The following ERCC6 variants were observed in gnomAD, a reference collection of about 807,000 sequenced individuals.
ERCC6 encodes DNA excision repair protein ERCC-6.
In ERCC6, 116 loss-of-function variants were observed where a neutral mutation model predicts 158.7. The ratio of observed to expected loss-of-function variants is 0.73; its 90% CI spans 0.63 to 0.85. The LOEUF (loss-of-function observed/expected upper bound fraction) is 0.85. Among genes scored for constraint, ERCC6 ranks in the 40% least tolerant of loss-of-function variants. ERCC6 has a pLI of 0.00. For missense variants in ERCC6, 1,698 were observed against 1,799.4 expected (o/e 0.94, Z 1.02); for synonymous variants, 678 against 659.3 (o/e 1.03, Z -0.43).
intron 10 of ERCC6, among the ~76,000 whole-genome samples, chr10:49,481,962 G>A (rs1421246123): frequency 6.6e-6 from 1 of 152,170 alleles, no homozygotes; most frequent in Non-Finnish European, 1.5e-5. Flanking sequence ...GAACCCCTGA[G>A]AACCAGCATC....
intron 7 of ERCC6, among the ~76,000 whole-genome samples, chr10:49,496,716 G>A (rs971926011): frequency 2.0e-5 from 3 of 152,166 alleles, no homozygotes; most frequent in African/African-American, 4.8e-5. Flanking sequence ...GCTGAGGCAG[G>A]AGAATCACTT....
Position 49,478,410 on chromosome 10 carries a change from G to A in ERCC6, c.2230C>T (p.Arg744Trp), listed in dbSNP as rs368188837. ...LRDTINPYLL[R>W]RMKSDVKMSL... ...ATCTTGACATCTGACTTCATTCTCC[G>A]CAGTAGGTATGGATTTATGGTATCT... Residue 744 changes from arginine (R) to tryptophan (W), a missense_variant, in exon 11 of 21, where the codon CGG becomes TGG. Physicochemically the swap from Arg to Trp is moderately radical, Grantham distance 101. Coordinates refer to ENST00000355832, the MANE Select transcript of ERCC6 (RefSeq NM_000124.4). 1.9e-5 allele frequency: 31 copies of A among 1,613,814 alleles called. 1 individual carries two copies. The highest frequency in any genetic ancestry group is 1.1e-4 in the East Asian group (5 of 44,894).
intron 18 of ERCC6, among the ~76,000 whole-genome samples, chr10:49,461,885 T>G (rs1850589939): frequency 6.6e-6 from 1 of 152,120 alleles, no homozygotes; most frequent in African/African-American, 2.4e-5. Flanking sequence ...GGAGAAGACA[T>G]GAAAACACTC....
At chr10:49,447,458 C>T in the ERCC6 span, among the ~76,000 whole-genome samples, 87 of 152,122 alleles carry the variant, frequency 5.7e-4, no homozygotes, top group African/African-American at 1.9e-3. Flanking sequence ...GAGGCCGAGG[C>T]GGGCAGATCA....
At chr10:49,481,278 T>C (rs1850974439) in intron 10 of ERCC6, among the ~76,000 whole-genome samples, 1 of 152,196 alleles carries the variant, frequency 6.6e-6, no homozygotes, top group Admixed American at 6.5e-5. Flanking sequence ...TCTTGTTTGT[T>C]TGTTCTTTTA....
At chr10:49,523,738 C>G (rs997267824) in intron 5 of ERCC6, among the ~76,000 whole-genome samples, 3 of 152,104 alleles carry the variant, frequency 2.0e-5, no homozygotes, top group African/African-American at 7.2e-5. Flanking sequence ...AAAGGCGACA[C>G]AGCTCACACT....
chr10:49,523,947 T>A, intron 5 of ERCC6, 86 bp downstream of exon 5: 1 of 1,575,642 alleles, frequency 6.3e-7, no homozygotes, highest in Non-Finnish European at 8.6e-7. Context: ...TATATTAAGC[T>A]GGATCTAGAA....
At chr10:49,441,696 C>T in the ERCC6 span, among the ~76,000 whole-genome samples, 4 of 152,134 alleles carry the variant, frequency 2.6e-5, no homozygotes, top group African/African-American at 9.7e-5. Context: ...GCAGAGAGTT[C>T]GCAGCCAGGG....
chr10:49,470,073 A>AT, intron 18 of ERCC6, 109 bp downstream of exon 18: 1 of 973,792 alleles, frequency 1.0e-6, no homozygotes, highest in Non-Finnish European at 1.6e-6. Context: ...AAAAACACTA[A>AT]TGGCTGACAG....
intron 14 of ERCC6, 98 bp from the exon 15 acceptor site, chr10:49,473,126 TG>T: frequency 6.5e-7 from 1 of 1,538,380 alleles, no homozygotes; most frequent in Non-Finnish European, 9.0e-7. Flanking sequence ...ATTACTGGGC[TG>T]TTCCCAATAT....
chr10:49,473,938 A>C, intron 13 of ERCC6, 89 bp downstream of exon 13: 1 of 1,203,592 alleles, frequency 8.3e-7, no homozygotes, highest in Admixed American at 1.7e-5. Context: ...CTTGCTTCAG[A>C]ATCATTACTT....
rs766170632 is a variant in ERCC6, at chr10:49,532,656, G to A, written c.309C>T (p.Asp103=). The A allele has an allele frequency of 1.1e-5, 18 of 1,614,060 alleles. No homozygotes were observed. Among genetic ancestry groups the A allele is most frequent in the East Asian group, 4.5e-5 (2 of 44,890 alleles). Residue 103 remains aspartate (D), a synonymous_variant, in exon 2 of 21, where the codon GAC becomes GAT. Coordinates refer to ENST00000355832, the MANE Select transcript of ERCC6 (RefSeq NM_000124.4). The part of the protein sequence containing the change: ...QGLGVDVYDQ[D]VLEQGVLQQV... ...GCTGAAGCACTCCCTGTTCCAGCAC[G>A]TCCTGGTCATAGACGTCCACACCCA... is the stretch of plus-strand genomic sequence containing the variant.
chr10:49,457,174 A>G lies in ERCC6; in HGVS notation c.*1641T>C, dbSNP rs1023016619. 3.3e-5 allele frequency: 5 copies of G among 152,206 alleles called. No homozygotes were observed. Among genetic ancestry groups the G allele is most frequent in the African/African-American group, 1.2e-4 (5 of 41,442 alleles). The allele number at this position is 152,206 out of a possible 1,614,324, so 9.4% of individuals were successfully genotyped here. On this transcript the variant is annotated 3_prime_UTR_variant, in exon 21 of 21. Coordinates refer to ENST00000355832, the MANE Select transcript of ERCC6 (RefSeq NM_000124.4). ...TCCCCAGAAACAAACCACTTAGTCA[A>G]AAAGGAAGGAGTTTTGACTTTCTTC...
chr10:49,519,586 C>T (rs1014916732), intron 5 of ERCC6, among the ~76,000 whole-genome samples: 1 of 152,168 alleles, frequency 6.6e-6, no homozygotes, highest in Non-Finnish European at 1.5e-5. Flanking sequence ...ACTCAGGCAC[C>T]GCCTACTGAA....
At chr10:49,469,399 G>GGT (rs1426036719) in intron 18 of ERCC6, among the ~76,000 whole-genome samples, 1 of 151,968 alleles carries the variant, frequency 6.6e-6, no homozygotes, top group Non-Finnish European at 1.5e-5. Context: ...TGCATAGATG[G>GGT]GTGTGTGTGT....
chr10:49,524,503 T>G lies in ERCC6; in HGVS notation c.927A>C (p.Gln309His). 1 of 1,614,234 alleles carries G rather than the reference T, an allele frequency of 6.2e-7. No individual in the cohort carries two copies. The highest frequency in any genetic ancestry group is 1.1e-5 in the South Asian group (1 of 91,088). Residue 309 changes from glutamine (Q) to histidine (H), a missense_variant, in exon 5 of 21, where the codon CAA (glutamine) becomes CAC (histidine). Physicochemically the swap from Gln to His is conservative, Grantham distance 24 (BLOSUM62 0). Transcript: ENST00000355832. ...PAPVTPPAPV[Q>H]NKNKPNKKAR... ...CTTTCTTGTTTGGTTTGTTTTTATT[T>G]TGCACTGGGGCTGGAGGCGTGACTG...
At chr10:49,465,103 G>T (rs944175473) in intron 18 of ERCC6, among the ~76,000 whole-genome samples, 6 of 152,218 alleles carry the variant, frequency 3.9e-5, no homozygotes, top group African/African-American at 1.2e-4. Context: ...GCAGCCAGGA[G>T]GGGGGCTATA....
chr10:49,463,212 C>T (rs1850615196), intron 18 of ERCC6, among the ~76,000 whole-genome samples: 1 of 152,196 alleles, frequency 6.6e-6, no homozygotes, highest in Admixed American at 6.5e-5. Context: ...ACCTTACACA[C>T]ATAGCCTGAA....
At chr10:49,515,456 A>G (rs770464886) in intron 5 of ERCC6, 7 of 1,614,052 alleles carry the variant, frequency 4.3e-6, no homozygotes, top group Non-Finnish European at 5.9e-6. Flanking sequence ...TGACTATCAC[A>G]TGATTTATGC....
Sources: gnomAD v4.1 joint callset for allele counts (sites outside exome capture counted in the v4.1 genomes callset) on GRCh38, gnomAD v4.1.1 for gene constraint, MANE v1.5 for transcripts, NCBI Gene and HGNC (gene_info 2026-07-23, HGNC 2026-07-21) for gene names.